PSEN1: variants seen among roughly 807,000 people sequenced by gnomAD.
PSEN1 encodes the protein presenilin 1.
Under a neutral mutation model 53.5 loss-of-function variants are expected in PSEN1, and 15 were observed. That is an observed-to-expected ratio of 0.28 (90% confidence interval 0.19 to 0.43). The LOEUF is 0.43. PSEN1 is among the 20% of genes least tolerant of loss of function. The probability of loss-of-function intolerance (pLI) is 1.00; values close to 1 mark genes in which losing one functional copy is unlikely to be tolerated. For missense variants in PSEN1, 387 were observed against 571.2 expected (o/e 0.68, Z 3.29); for synonymous variants, 208 against 209.8 (o/e 0.99, Z 0.08).
At chr14:73,149,920 C>T (rs1897170315) in intron 3 of PSEN1, among the ~76,000 whole-genome samples, 1 of 152,192 alleles carries the variant, frequency 6.6e-6, no homozygotes, top group South Asian at 2.1e-4. Flanking sequence ...TAAGCAAATA[C>T]TGTGACGAGC....
chr14:73,186,871 A>G lies in PSEN1; in HGVS notation c.499A>G (p.Ile167Val). 6.2e-7 allele frequency: 1 copy of G among 1,613,180 alleles called. No homozygotes were observed. Among genetic ancestry groups the G allele is most frequent in the African/African-American group, 1.3e-5 (1 of 75,024 alleles). Reference sequence around the variant, plus strand: ...TTTCTAGGTCATCCATGCCTGGCTTATTATATCATCTCTATTGTTGCTGTT... The same window carrying G: ...TTTCTAGGTCATCCATGCCTGGCTTGTTATATCATCTCTATTGTTGCTGTT... Reference protein sequence around the residue: ...RCYKVIHAWLIISSLLLLFFF... With the variant: ...RCYKVIHAWLVISSLLLLFFF... The change falls in exon 6 of 12, where the codon ATT becomes GTT. Residue 167 changes from isoleucine to valine, a missense_variant. Physicochemically the swap from Ile to Val is conservative, Grantham distance 29 (BLOSUM62 3). This residue lies in a region of PSEN1 where 169 missense variants were observed against 299.7 expected (regional missense o/e 0.56). Coordinates refer to ENST00000324501, the MANE Select transcript of PSEN1 (RefSeq NM_000021.4).
At chr14:73,185,581 C>T (rs1000624729) in intron 5 of PSEN1, among the ~76,000 whole-genome samples, 4 of 151,642 alleles carry the variant, frequency 2.6e-5, no homozygotes, top group Non-Finnish European at 4.4e-5. Flanking sequence ...AGAGGGAGAC[C>T]GTGGAAAGAG....
At chr14:73,213,948 A>G (rs143503368) in intron 10 of PSEN1, among the ~76,000 whole-genome samples, 2 of 152,358 alleles carry the variant, frequency 1.3e-5, no homozygotes, top group African/African-American at 4.8e-5. Context: ...TCTTTGAAAG[A>G]TTAAATATGA....
chr14:73,188,268 C>T lies in PSEN1; in HGVS notation c.548+1348C>T, dbSNP rs372541398. On this transcript the variant is annotated intron_variant, in intron 6 of 11. Transcript: ENST00000324501. Reference sequence around the variant, plus strand: ...ACCAAGTGGAGTTTGTTTGCAGAATCGTTCATTATAAGTTGCCATATTACT... The same window carrying T: ...ACCAAGTGGAGTTTGTTTGCAGAATTGTTCATTATAAGTTGCCATATTACT... Among the ~76,000 whole-genome samples the T allele has an allele frequency of 1.2e-4, 19 of 152,138 alleles. No individual in the cohort carries two copies. In the East Asian group the frequency reaches 3.1e-3, roughly 25 times the overall value.
At chr14:73,218,661 T>C (rs532273338) in intron 11 of PSEN1, among the ~76,000 whole-genome samples, 28 of 148,020 alleles carry the variant, frequency 1.9e-4, no homozygotes, top group African/African-American at 6.4e-4. Context: ...TAAAGAATGC[T>C]CCCGCACAGC....
At chr14:73,197,872 G>C in intron 7 of PSEN1, 159 bp from the exon 8 acceptor site, 1 of 601,712 alleles carries the variant, frequency 1.7e-6, no homozygotes, top group African/African-American at 1.9e-5. Context: ...ACCCCCACCA[G>C]TTCACCTGCC....
intron 10 of PSEN1, among the ~76,000 whole-genome samples, chr14:73,213,148 G>A (rs1027946507): frequency 3.3e-5 from 5 of 152,104 alleles, no homozygotes; most frequent in African/African-American, 1.2e-4. Context: ...TCACACTCCT[G>A]GAAAAGTAGA....
chr14:73,215,004 T>G (rs1477962899), intron 10 of PSEN1, among the ~76,000 whole-genome samples: 2 of 152,074 alleles, frequency 1.3e-5, no homozygotes, highest in African/African-American at 4.8e-5. Flanking sequence ...GCTCGTTGCC[T>G]AGGGTGGAGT....
intron 3 of PSEN1, chr14:73,168,170 A>G (rs539268753): frequency 6.6e-6 from 1 of 152,292 alleles, no homozygotes; most frequent in East Asian, 1.9e-4. Context: ...AGCCTGGCCA[A>G]CATGGCAAAA....
At chr14:73,171,801 G>T (rs1242070432) in intron 4 of PSEN1, among the ~76,000 whole-genome samples, 2 of 152,178 alleles carry the variant, frequency 1.3e-5, no homozygotes, top group East Asian at 1.9e-4. Flanking sequence ...AGAAGGCAAA[G>T]AATTGAACAT....
At chr14:73,209,766 T>C (rs1899603655) in intron 9 of PSEN1, among the ~76,000 whole-genome samples, 1 of 152,182 alleles carries the variant, frequency 6.6e-6, no homozygotes, top group Non-Finnish European at 1.5e-5. Flanking sequence ...GACGGCCCGC[T>C]GAAGGATGGA....
intron 1 of PSEN1, among the ~76,000 whole-genome samples, chr14:73,140,095 C>G (rs1297697132): frequency 6.6e-6 from 1 of 150,796 alleles, no homozygotes; most frequent in Non-Finnish European, 1.5e-5. Flanking sequence ...AATTAAATAA[C>G]TTATTGGGAA....
chr14:73,153,394 T>C (rs1897276654), intron 3 of PSEN1, among the ~76,000 whole-genome samples: 1 of 152,232 alleles, frequency 6.6e-6, no homozygotes, highest in Non-Finnish European at 1.5e-5. Context: ...TAACCAGTTA[T>C]GTCAACTGTT....
chr14:73,208,933 C>A (rs1467526547), intron 9 of PSEN1: 1 of 453,024 alleles, frequency 2.2e-6, no homozygotes, highest in Non-Finnish European at 4.4e-6. Context: ...GCCTTCAGCC[C>A]CTCCTCAGTC....
rs1898782829 is a variant in PSEN1, at chr14:73,192,872, C to A, written c.769+8C>A. 1 of 1,589,984 alleles carries A rather than the reference C, an allele frequency of 6.3e-7. No homozygotes were observed. Among genetic ancestry groups the A allele is most frequent in the African/African-American group, 1.3e-5 (1 of 74,416 alleles). On this transcript the variant is annotated splice_region_variant and intron_variant, in intron 7 of 11. Coordinates refer to ENST00000324501, the MANE Select transcript of PSEN1 (RefSeq NM_000021.4). ...CTGTGATTTCAGTATATGGTAAAACCCAAGACTGATAATTTGTTTGTCACA... is the reference window on the plus strand; with the variant it reads ...CTGTGATTTCAGTATATGGTAAAACACAAGACTGATAATTTGTTTGTCACA...
At chr14:73,199,121 G>A (rs1451330280) in intron 8 of PSEN1, among the ~76,000 whole-genome samples, 1 of 152,146 alleles carries the variant, frequency 6.6e-6, no homozygotes, top group Non-Finnish European at 1.5e-5. Context: ...TCTTTCTGTG[G>A]CTCATATCTA....
Position 73,219,403 on chromosome 14 carries a change from G to C in PSEN1, c.*114G>C. On this transcript the variant is annotated 3_prime_UTR_variant, in exon 12 of 12. Transcript: ENST00000324501. ...CTAACAAAGTCAAGATTCCCGGCTG[G>C]ACTTTTGCAGCTTCCTTCCAAGTCT... The C allele has an allele frequency of 8.4e-7, 1 of 1,189,038 alleles. No individual in the cohort carries two copies. The highest frequency in any genetic ancestry group is 1.2e-6 in the Non-Finnish European group (1 of 806,506). 73.7% of individuals were successfully genotyped at this position (1,189,038 alleles called of 1,614,324 possible). A position where few individuals can be genotyped will look rare whatever the true frequency, so the allele number is the denominator to read the frequency against.
chr14:73,142,673 G>T (rs977013271), intron 1 of PSEN1, among the ~76,000 whole-genome samples: 2 of 152,178 alleles, frequency 1.3e-5, no homozygotes, highest in African/African-American at 2.4e-5. Flanking sequence ...CATTGCTCCT[G>T]TGATAATTTC....
intron 7 of PSEN1, among the ~76,000 whole-genome samples, chr14:73,197,555 CTTCATAT>C (rs1486133623): frequency 6.6e-6 from 1 of 152,184 alleles, no homozygotes; most frequent in African/African-American, 2.4e-5. Flanking sequence ...CTACTCTGCT[CTTCATAT>C]TTTGAAAAGT....
Sources: gnomAD v4.1 joint callset for allele counts (sites outside exome capture counted in the v4.1 genomes callset) on GRCh38, gnomAD v4.1.1 for gene constraint, gnomAD v4.1.1 regional missense constraint, MANE v1.5 for transcripts, NCBI Gene and HGNC (gene_info 2026-07-23, HGNC 2026-07-21) for gene names.